MCM9: variants seen among roughly 807,000 people sequenced by gnomAD.
The protein encoded by MCM9 is minichromosome maintenance 9 homologous recombination repair factor.
A neutral mutation model predicts 72.8 loss-of-function variants in MCM9; 55 were observed. The observed-to-expected ratio is 0.76, with a 90% CI of 0.61 to 0.95. The LOEUF (loss-of-function observed/expected upper bound fraction) is 0.95. MCM9 is among the 40% of genes least tolerant of loss of function. MCM9 has a pLI of 0.00. For missense variants in MCM9, 1,279 were observed against 1,377.0 expected (o/e 0.93, Z 1.13); for synonymous variants, 480 against 503.4 (o/e 0.95, Z 0.62).
intron 9 of MCM9, among the ~76,000 whole-genome samples, chr6:118,851,455 A>G (rs1051687452): frequency 4.6e-5 from 7 of 151,912 alleles, no homozygotes; most frequent in Admixed American, 4.6e-4. Context: ...TTTAGGAACT[A>G]AATATCTTTT....
At chr6:118,913,612 T>G (rs1385180803) in intron 6 of MCM9, among the ~76,000 whole-genome samples, 192 bp from the exon 7 acceptor site, 6 of 152,172 alleles carry the variant, frequency 3.9e-5, no homozygotes, top group Non-Finnish European at 1.5e-5. Context: ...AATGTCCTGT[T>G]TTTTTGAGAC....
At chr6:118,880,995 GC>G (rs1364606838) in intron 8 of MCM9, among the ~76,000 whole-genome samples, 2 of 152,008 alleles carry the variant, frequency 1.3e-5, no homozygotes, top group African/African-American at 4.8e-5. Flanking sequence ...TATAAATTAG[GC>G]ACAGAGATTA....
At chr6:118,864,901 A>G (rs1272455848) in intron 8 of MCM9, among the ~76,000 whole-genome samples, 1 of 151,070 alleles carries the variant, frequency 6.6e-6, no homozygotes, top group African/African-American at 2.4e-5. Flanking sequence ...TTCTGCCTGG[A>G]AGGAATCTAT....
At position 118,913,150 on chromosome 6, in the gene MCM9, A is replaced by T. The variant is rs369520941; in HGVS notation, c.1030+145T>A. ...CTTCTGATATACAGATGCTAGACTA[A>T]GTATAAGATATTCAGACAACTGTCA... On this transcript the variant is annotated intron_variant, in intron 7 of 13. Coordinates refer to ENST00000619706, the MANE Select transcript of MCM9 (RefSeq NM_017696.3). 95 of 869,310 alleles carry T rather than the reference A, an allele frequency of 1.1e-4. 2 individuals carry two copies. The East Asian group carries it at 1.4e-3, about 13-fold the overall frequency. The allele number at this position is 869,310 out of a possible 1,614,324, so 53.8% of individuals were successfully genotyped here.
chr6:118,873,158 T>C (rs1777712326), intron 8 of MCM9, among the ~76,000 whole-genome samples: 1 of 118,778 alleles, frequency 8.4e-6, no homozygotes, highest in Non-Finnish European at 1.6e-5. Flanking sequence ...GGTAACACAG[T>C]GAGACAGGAA....
At position 118,816,145 on chromosome 6, in the gene MCM9, G is replaced by A. The variant is rs1208094358; in HGVS notation, c.2111C>T (p.Pro704Leu). The A allele has an allele frequency of 1.9e-6, 3 of 1,550,520 alleles. No homozygotes were observed. Among genetic ancestry groups the A allele is most frequent in the Non-Finnish European group, 2.6e-6 (3 of 1,146,944 alleles). The part of the protein sequence containing the change: ...EINYSTHIFS[P>L]GGSPEGSPVL... Reference sequence around the variant, plus strand: ...TGGGCTTCCCTCGGGGCTGCCTCCAGGAGAGAAGATATGTGTGCTATAGTT... The same window carrying A: ...TGGGCTTCCCTCGGGGCTGCCTCCAAGAGAGAAGATATGTGTGCTATAGTT... The change falls in exon 14 of 14, where the codon CCT becomes CTT. Residue 704 changes from proline to leucine, a missense_variant. Coordinates refer to ENST00000619706, the MANE Select transcript of MCM9 (RefSeq NM_017696.3).
chr6:118,869,599 C>CACAAAA (rs1554258753), intron 8 of MCM9, among the ~76,000 whole-genome samples: 4 of 58,306 alleles, frequency 6.9e-5, no homozygotes, highest in Admixed American at 2.3e-4. Context: ...AAAGGATTTA[C>CACAAAA]AAAAAAAAAA....
intron 8 of MCM9, among the ~76,000 whole-genome samples, chr6:118,860,098 G>A (rs1214704529): frequency 6.6e-6 from 1 of 152,034 alleles, no homozygotes; most frequent in African/African-American, 2.4e-5. Context: ...AAATTGCAAG[G>A]CATACTAAAA....
chr6:118,847,148 A>T (rs1191801443), intron 9 of MCM9, among the ~76,000 whole-genome samples: 1 of 151,890 alleles, frequency 6.6e-6, no homozygotes, highest in Non-Finnish European at 1.5e-5. Context: ...AGGGAGGAAG[A>T]GGAAATACTC....
intron 8 of MCM9, chr6:118,901,027 T>A: frequency 1.6e-6 from 1 of 613,768 alleles, no homozygotes; most frequent in Non-Finnish European, 2.9e-6. Context: ...CATCATGTTT[T>A]AGGCAGTCTC....
chr6:118,849,666 A>C (rs1776101086), intron 9 of MCM9, among the ~76,000 whole-genome samples: 1 of 151,694 alleles, frequency 6.6e-6, no homozygotes, highest in Admixed American at 6.6e-5. Flanking sequence ...GAGACTAAAA[A>C]CTCTCTAAGC....
In MCM9 at chr6:118,858,418, A is replaced by G. The variant is rs182329474; in HGVS notation, c.1151-1873T>C. 2.7e-3 allele frequency among the ~76,000 whole-genome samples: 417 copies of G among 152,256 alleles called. 1 individual carries two copies. Among genetic ancestry groups the G allele is most frequent in the African/African-American group, 9.4e-3 (392 of 41,554 alleles). On this transcript the variant is annotated intron_variant, in intron 8 of 13. Coordinates refer to ENST00000619706, the MANE Select transcript of MCM9 (RefSeq NM_017696.3). ...TATTTAACATACTTAGTGATAAAAG[A>G]CTGAATGTTTCCTCATCTCCTACAA...
chr6:118,913,559 G>T, intron 6 of MCM9, 139 bp from the exon 7 acceptor site: 1 of 1,068,116 alleles, frequency 9.4e-7, no homozygotes, highest in Non-Finnish European at 1.3e-6. Flanking sequence ...AATTCCAAAT[G>T]ACCAACAGGA....
intron 3 of MCM9, among the ~76,000 whole-genome samples, chr6:118,927,001 A>G (rs1411005647): frequency 2.0e-5 from 3 of 152,200 alleles, no homozygotes; most frequent in East Asian, 1.9e-4. Flanking sequence ...GGTAAAAAGG[A>G]GAATAGAAAA....
chr6:118,872,188 G>A (rs183053114), intron 8 of MCM9, among the ~76,000 whole-genome samples: 1 of 151,888 alleles, frequency 6.6e-6, no homozygotes, highest in Admixed American at 6.6e-5. Context: ...GCGTGGTGGT[G>A]GGCGCCTGTA....
At chr6:118,924,544 C>G (rs753192221) in intron 3 of MCM9, among the ~76,000 whole-genome samples, 1 of 152,148 alleles carries the variant, frequency 6.6e-6, no homozygotes, top group Admixed American at 6.5e-5. Flanking sequence ...AATCACGCAG[C>G]AGACCGATAA....
intron 9 of MCM9, among the ~76,000 whole-genome samples, chr6:118,833,564 C>T (rs942072793): frequency 2.0e-4 from 30 of 152,088 alleles, no homozygotes; most frequent in African/African-American, 6.5e-4. Context: ...ATAAGGAAAA[C>T]GCGGTCTATA....
intron 3 of MCM9, among the ~76,000 whole-genome samples, chr6:118,927,330 G>C (rs915857594): frequency 6.6e-6 from 1 of 152,206 alleles, no homozygotes; most frequent in Admixed American, 6.5e-5. Flanking sequence ...TTGGCTGGAC[G>C]TGGTGGCTCA....
intron 8 of MCM9, among the ~76,000 whole-genome samples, chr6:118,883,003 G>C (rs1478074911): frequency 6.7e-6 from 1 of 148,900 alleles, no homozygotes; most frequent in African/African-American, 2.5e-5. Context: ...GCCTGTGAGA[G>C]GATCCAGATT....
Sources: allele counts gnomAD v4.1 joint callset (sites outside exome capture counted in the v4.1 genomes callset), GRCh38; gene constraint gnomAD v4.1.1; transcripts MANE v1.5; gene names NCBI Gene and HGNC (gene_info 2026-07-23, HGNC 2026-07-21).